Variants in XPO1 observed in about 807,000 individuals in gnomAD.
The protein encoded by XPO1 is exportin 1, also known as exportin-1.
A neutral mutation model predicts 133.3 loss-of-function variants in XPO1; 5 were observed. The ratio of observed to expected loss-of-function variants is 0.04; its 90% CI spans 0.02 to 0.08. The LOEUF is 0.08. Among genes scored for constraint, XPO1 ranks in the 10% least tolerant of loss-of-function variants. The pLI is 1.00. For synonymous variants in XPO1, 419 were observed against 408.2 expected, an observed-to-expected ratio of 1.03 and a Z score of -0.32; for missense variants, 506 against 1,267.5, an observed-to-expected ratio of 0.40 and a Z score of 9.12.
In XPO1 at chr2:61,482,471, A is replaced by C; in HGVS notation, c.2881T>G (p.Ser961Ala). The C allele has an allele frequency of 6.2e-7, 1 of 1,613,576 alleles. No homozygotes were observed. The highest frequency in any genetic ancestry group is 2.2e-5 in the East Asian group (1 of 44,872). ...TTAACTGGATTTCCAGGATTTAATG[A>C]TGTACTTATTTTTCCTTCTTCAACC... ...NLVEEGKISTSLNPGNPVNNQ... is the reference protein window; with the variant it reads ...NLVEEGKISTALNPGNPVNNQ... The change falls in exon 23 of 25, where the codon TCA becomes GCA. Residue 961 changes from serine (S) to alanine (A), a missense_variant. This residue lies in a region of XPO1 where 203 missense variants were observed against 365.9 expected (regional missense o/e 0.55). Transcript: ENST00000401558.
At chr2:61,505,138 C>T (rs1291877398) in intron 4 of XPO1, among the ~76,000 whole-genome samples, 3 of 151,970 alleles carry the variant, frequency 2.0e-5, no homozygotes, top group Admixed American at 6.6e-5. Flanking sequence ...AGCTAGCTGA[C>T]TAGCTGGGAC....
Position 61,506,996 on chromosome 2 carries a change from G to A in XPO1, c.302-4686C>T, listed in dbSNP as rs546177951. On this transcript the variant is annotated intron_variant, in intron 4 of 24. Transcript: ENST00000401558. Reference sequence around the variant, plus strand: ...TGTAATCCCAGCACTTTGGGAGGCCGAGACGGGCAGATCATCTGAGGTCAA... The same window carrying A: ...TGTAATCCCAGCACTTTGGGAGGCCAAGACGGGCAGATCATCTGAGGTCAA... 5.9e-5 allele frequency among the ~76,000 whole-genome samples: 9 copies of A among 152,048 alleles called. No individual in the cohort carries two copies. In the South Asian group the frequency reaches 6.2e-4, roughly 11 times the overall value.
In XPO1 at chr2:61,508,907, T is replaced by C. The variant is rs370105420; in HGVS notation, c.302-6597A>G. ...AATCCTTAAAATGTGGGAGTCCATG[T>C]TACATATTCCAATTCCTCTCCTCCC... On this transcript the variant is annotated intron_variant, in intron 4 of 24. Transcript: ENST00000401558. Among the ~76,000 whole-genome samples the C allele has an allele frequency of 5.9e-5, 9 of 152,310 alleles. No homozygotes were observed. The East Asian group carries it at 1.4e-3, about 23-fold the overall frequency.
chr2:61,515,939 AC>A (rs1698362045), intron 4 of XPO1, among the ~76,000 whole-genome samples: 48 of 47,902 alleles, frequency 1.0e-3, no homozygotes, highest in Admixed American at 2.0e-3. Flanking sequence ...AAAAAAAACC[AC>A]ACACACACAC....
At chr2:61,520,319 T>C (rs1698627953) in intron 4 of XPO1, among the ~76,000 whole-genome samples, 1 of 152,180 alleles carries the variant, frequency 6.6e-6, no homozygotes, top group African/African-American at 2.4e-5. Context: ...AATAAATCTT[T>C]AGGTTAGAGA....
chr2:61,522,086 G>A (rs930899590), intron 4 of XPO1, among the ~76,000 whole-genome samples: 8 of 150,188 alleles, frequency 5.3e-5, no homozygotes, highest in Non-Finnish European at 7.4e-5. Context: ...ATGTTTTTTT[G>A]GAGATGGGGT....
At chr2:61,489,708 G>A (rs1267464786) in intron 17 of XPO1, among the ~76,000 whole-genome samples, 18 of 146,310 alleles carry the variant, frequency 1.2e-4, no homozygotes, top group African/African-American at 4.0e-4. Context: ...GGCGCCCGCC[G>A]CCACACTCAG....
chr2:61,500,233 A>T (rs1454688450), intron 6 of XPO1, among the ~76,000 whole-genome samples: 3 of 152,082 alleles, frequency 2.0e-5, no homozygotes, highest in Non-Finnish European at 4.4e-5. Context: ...CTGTAATCCC[A>T]GCACTTTGTG....
intron 2 of XPO1, among the ~76,000 whole-genome samples, chr2:61,527,141 T>C (rs1407753418): frequency 6.6e-6 from 1 of 152,014 alleles, no homozygotes; most frequent in African/African-American, 2.4e-5. Context: ...AGCAAATAAG[T>C]TCTCAGCACT....
chr2:61,513,425 G>T (rs562080187), intron 4 of XPO1, among the ~76,000 whole-genome samples: 3 of 148,884 alleles, frequency 2.0e-5, no homozygotes, highest in Non-Finnish European at 4.4e-5. Context: ...GAGGGCAGTG[G>T]TGTGATCTAG....
At chr2:61,512,394 T>C (rs926201794) in intron 4 of XPO1, among the ~76,000 whole-genome samples, 2 of 152,170 alleles carry the variant, frequency 1.3e-5, no homozygotes, top group Non-Finnish European at 2.9e-5. Flanking sequence ...CAACGAACTA[T>C]GAAAAGACTA....
chr2:61,491,459 A>C lies in XPO1; in HGVS notation c.1887+576T>G, dbSNP rs971377502. ...GAGTGAAACTCCATCTCAAAAAACA[A>C]ACACACACACACACACACACACACA... On this transcript the variant is annotated intron_variant, in intron 16 of 24. Coordinates refer to ENST00000401558, the MANE Select transcript of XPO1 (RefSeq NM_003400.4). 8.1e-3 allele frequency among the ~76,000 whole-genome samples: 1,165 copies of C among 143,018 alleles called. 13 individuals carry two copies. The highest frequency in any genetic ancestry group is 0.029 in the African/African-American group (1,094 of 38,120). The allele number at this position is 143,018 out of a possible 152,430, so 93.8% of individuals were successfully genotyped here. A position where few individuals can be genotyped will look rare whatever the true frequency, so the allele number is the denominator to read the frequency against.
intron 24 of XPO1, among the ~76,000 whole-genome samples, chr2:61,479,610 T>TA (rs1418332226): frequency 1.3e-5 from 2 of 152,230 alleles, no homozygotes; most frequent in South Asian, 2.1e-4. Flanking sequence ...CTCTTTGTGA[T>TA]AGAGTCTTGT....
chr2:61,532,999 T>C (rs1284301940), intron 2 of XPO1, among the ~76,000 whole-genome samples: 1 of 151,528 alleles, frequency 6.6e-6, no homozygotes, highest in Non-Finnish European at 1.5e-5. Flanking sequence ...GCCAACACGG[T>C]GAAACCCCAT....
In XPO1 at chr2:61,533,861, C is replaced by G; in HGVS notation, c.37G>C (p.Ala13Pro). The G allele has an allele frequency of 6.2e-7, 1 of 1,606,316 alleles. No homozygotes were observed. Among genetic ancestry groups the G allele is most frequent in the Non-Finnish European group, 8.5e-7 (1 of 1,177,138 alleles). The change falls in exon 2 of 25, where the codon GCT becomes CCT. Residue 13 changes from alanine (A) to proline (P), a missense_variant. Ala to Pro is a conservative substitution (Grantham distance 27). Transcript: ENST00000401558. The part of the protein sequence containing the change: ...AIMTMLADHA[A>P]RQLLDFSQKL... ...TGGCTGAAATCAAGCAGCTGACGAG[C>G]TGCATGGTCTGCTAACATTGTCATA...
intron 10 of XPO1, 136 bp from the exon 11 acceptor site, chr2:61,495,749 G>T: frequency 1.2e-6 from 1 of 819,614 alleles, no homozygotes; most frequent in Non-Finnish European, 1.7e-6. Flanking sequence ...AAAGCTCACT[G>T]CAGCCTCCAC....
intron 3 of XPO1, among the ~76,000 whole-genome samples, chr2:61,523,946 A>G (rs912945077): frequency 3.9e-5 from 6 of 152,340 alleles, no homozygotes; most frequent in Admixed American, 1.3e-4. Context: ...CTAAAATTAC[A>G]AATTTGATGC....
chr2:61,498,916 A>T lies in XPO1; in HGVS notation c.591-3T>A, dbSNP rs1275869180. ...TCTGTGAGAATTCATTGCACATGCT[A>T]AAAAAAAAAACACACAAAAATATCA... is the stretch of plus-strand genomic sequence containing the variant. On this transcript the variant is annotated splice_region_variant and splice_polypyrimidine_tract_variant and intron_variant, in intron 7 of 24. Coordinates refer to ENST00000401558, the MANE Select transcript of XPO1 (RefSeq NM_003400.4). The T allele has an allele frequency of 3.0e-6, 3 of 989,530 alleles. No individual in the cohort carries two copies. The highest frequency in any genetic ancestry group is 4.2e-6 in the Non-Finnish European group (3 of 719,930). 61.3% of individuals were successfully genotyped at this position (989,530 alleles called of 1,614,324 possible).
intron 4 of XPO1, among the ~76,000 whole-genome samples, chr2:61,522,037 C>CTTGA (rs1273841816): frequency 6.6e-6 from 1 of 152,198 alleles, no homozygotes; most frequent in East Asian, 1.9e-4. Context: ...GGATTACAGG[C>CTTGA]TTGAGCCACT....
Sources: gnomAD v4.1 joint callset for allele counts (sites outside exome capture counted in the v4.1 genomes callset) on GRCh38, gnomAD v4.1.1 for gene constraint, gnomAD v4.1.1 regional missense constraint, MANE v1.5 for transcripts, NCBI Gene and HGNC (gene_info 2026-07-23, HGNC 2026-07-21) for gene names.